Variants in AGMO observed in about 807,000 individuals in gnomAD.
AGMO encodes glyceryl-ether monooxygenase.
Under a neutral mutation model 60.2 loss-of-function variants are expected in AGMO, and 75 were observed. That is an observed-to-expected ratio of 1.25 (90% CI 1.03 to 1.51). AGMO has a LOEUF of 1.51. Among genes scored for constraint, AGMO ranks in the 40% most tolerant of loss-of-function variants. AGMO has a pLI of 0.00. For missense variants in AGMO, 763 were observed against 525.5 expected (o/e 1.45, Z -4.42); for synonymous variants, 261 against 177.1 (o/e 1.47, Z -3.76).
chr7:15,393,185 T>C (rs961672282), intron 6 of AGMO, among the ~76,000 whole-genome samples: 7 of 152,240 alleles, frequency 4.6e-5, no homozygotes, highest in African/African-American at 1.4e-4. Context: ...CCCTCTGATC[T>C]GGCCTCTCCC....
At position 15,418,559 on chromosome 7, in the gene AGMO, T is replaced by A; in HGVS notation, c.608A>T (p.Glu203Val). The A allele has an allele frequency of 6.3e-7, 1 of 1,580,524 alleles. No individual in the cohort carries two copies. Among genetic ancestry groups the A allele is most frequent in the Non-Finnish European group, 8.6e-7 (1 of 1,160,852 alleles). The change falls in exon 5 of 13, where the codon GAG becomes GTG. Residue 203 changes from glutamate (E) to valine (V), a missense_variant and splice_region_variant. Transcript: ENST00000342526. Reference sequence around the variant, plus strand: ...TACAAAGATAAAAAAAAGTTTTACCTCTGTATGGATCCAAAATTGGTAAAG... The same window carrying A: ...TACAAAGATAAAAAAAAGTTTTACCACTGTATGGATCCAAAATTGGTAAAG... ...NLLYQFWIHT[E>V]VINNLGPLEL...
In AGMO at chr7:15,322,594, A is replaced by G. The variant is rs1292530363; in HGVS notation, c.1263+42920T>C. Reference sequence around the variant, plus strand: ...TATATAAATATATATAAATATATAAATATATATAAATATATATAAATATAT... The same window carrying G: ...TATATAAATATATATAAATATATAAGTATATATAAATATATATAAATATAT... On this transcript the variant is annotated intron_variant, in intron 12 of 12. Transcript: ENST00000342526. 4.9e-3 allele frequency among the ~76,000 whole-genome samples: 94 copies of G among 19,322 alleles called. 14 individuals carry two copies. The highest frequency in any genetic ancestry group is 0.017 in the African/African-American group (88 of 5,242). 12.7% of individuals were successfully genotyped at this position (19,322 alleles called of 152,430 possible).
At chr7:15,558,410 C>T (rs562397248) in intron 2 of AGMO, among the ~76,000 whole-genome samples, 1 of 152,100 alleles carries the variant, frequency 6.6e-6, no homozygotes, top group South Asian at 2.1e-4. Flanking sequence ...ATAACCTATA[C>T]ACTTAACTTT....
intron 3 of AGMO, among the ~76,000 whole-genome samples, chr7:15,469,591 T>C (rs1404245973): frequency 1.3e-5 from 2 of 151,994 alleles, no homozygotes; most frequent in East Asian, 3.9e-4. Context: ...ACAGTAGAAA[T>C]CAAAAGAGAT....
intron 12 of AGMO, among the ~76,000 whole-genome samples, chr7:15,302,601 C>G (rs150676898): frequency 6.6e-6 from 1 of 152,246 alleles, no homozygotes; most frequent in African/African-American, 2.4e-5. Context: ...ATCAAGGAGA[C>G]TGGCATAGAG....
At chr7:15,135,370 G>A in the AGMO span, among the ~76,000 whole-genome samples, 2 of 152,054 alleles carry the variant, frequency 1.3e-5, no homozygotes, top group African/African-American at 2.4e-5. Context: ...TCTAAATGTG[G>A]AGAACATCAC....
chr7:15,266,378 A>G (rs950491080), intron 12 of AGMO, among the ~76,000 whole-genome samples: 1 of 151,644 alleles, frequency 6.6e-6, no homozygotes, highest in African/African-American at 2.4e-5. Context: ...TATGATATGC[A>G]TATTTTACTG....
At chr7:15,222,594 T>C (rs890509922) in intron 12 of AGMO, among the ~76,000 whole-genome samples, 1 of 152,114 alleles carries the variant, frequency 6.6e-6, no homozygotes, top group Admixed American at 6.6e-5. Flanking sequence ...GAAACTGTTA[T>C]GTCTATTAAC....
At chr7:15,518,060 T>G (rs561404343) in intron 3 of AGMO, among the ~76,000 whole-genome samples, 1 of 152,194 alleles carries the variant, frequency 6.6e-6, no homozygotes, top group African/African-American at 2.4e-5. Context: ...AATTTCGGAC[T>G]GGGCGGAGCC....
chr7:15,383,956 G>C (rs1030510981), intron 10 of AGMO, among the ~76,000 whole-genome samples: 2 of 151,534 alleles, frequency 1.3e-5, no homozygotes, highest in East Asian at 1.9e-4. Flanking sequence ...GTTTGTTTGA[G>C]ACTGAGTCTC....
intron 12 of AGMO, among the ~76,000 whole-genome samples, chr7:15,298,234 A>C (rs1784459426): frequency 6.6e-6 from 1 of 152,202 alleles, no homozygotes; most frequent in Non-Finnish European, 1.5e-5. Flanking sequence ...ATGCAGTAAG[A>C]ATATTTAATT....
intron 5 of AGMO, among the ~76,000 whole-genome samples, chr7:15,400,146 T>A (rs570158150): frequency 6.6e-6 from 1 of 152,304 alleles, no homozygotes; most frequent in South Asian, 2.1e-4. Context: ...GTCTCTCAGG[T>A]CACATACAAC....
At chr7:15,331,881 A>C (rs56337745) in intron 12 of AGMO, among the ~76,000 whole-genome samples, 2,297 of 152,074 alleles carry the variant, frequency 0.015, 72 homozygotes, top group African/African-American at 0.054. Flanking sequence ...AGCCAAGATC[A>C]CACCATCGCA....
At chr7:15,497,673 T>C (rs543940640) in intron 3 of AGMO, among the ~76,000 whole-genome samples, 5 of 152,204 alleles carry the variant, frequency 3.3e-5, no homozygotes, top group African/African-American at 1.2e-4. Context: ...CACAATTAAT[T>C]GATTCATTCT....
At chr7:15,204,536 G>T (rs1249347265) in intron 12 of AGMO, among the ~76,000 whole-genome samples, 1 of 152,092 alleles carries the variant, frequency 6.6e-6, no homozygotes, top group African/African-American at 2.4e-5. Context: ...CACACTTATT[G>T]TATCCTAGTT....
intron 12 of AGMO, among the ~76,000 whole-genome samples, chr7:15,230,476 C>T (rs1377200223): frequency 1.3e-5 from 2 of 152,158 alleles, no homozygotes; most frequent in African/African-American, 4.8e-5. Context: ...GCAAGTCCTA[C>T]AGGGGAAGCT....
chr7:15,392,514 T>A (rs1353749611), intron 6 of AGMO, among the ~76,000 whole-genome samples: 1 of 152,048 alleles, frequency 6.6e-6, no homozygotes, highest in Non-Finnish European at 1.5e-5. Flanking sequence ...TCAAAAATGC[T>A]TTTAGGCTGG....
At chr7:15,160,457 T>G in the AGMO span, among the ~76,000 whole-genome samples, 2 of 152,190 alleles carry the variant, frequency 1.3e-5, no homozygotes, top group Non-Finnish European at 2.9e-5. Flanking sequence ...TAACGAGAAC[T>G]GTATATTTGT....
chr7:15,504,594 A>G (rs1424469305), intron 3 of AGMO, among the ~76,000 whole-genome samples: 1 of 152,000 alleles, frequency 6.6e-6, no homozygotes, highest in East Asian at 1.9e-4. Flanking sequence ...TTCCTCTGAC[A>G]TGAACTTCCG....
Sources: gnomAD v4.1 joint callset for allele counts (sites outside exome capture counted in the v4.1 genomes callset) on GRCh38, gnomAD v4.1.1 for gene constraint, MANE v1.5 for transcripts, NCBI Gene and HGNC (gene_info 2026-07-23, HGNC 2026-07-21) for gene names.